The following UST variants were observed in gnomAD, a reference collection of about 807,000 sequenced individuals.
UST encodes the protein chondroitin sulfate 2-O-sulfotransferase.
In UST, 21 loss-of-function variants were observed where a neutral mutation model predicts 45.6. The ratio of observed to expected loss-of-function variants is 0.46; its 90% CI spans 0.33 to 0.66. UST has a LOEUF of 0.66. UST is among the 30% of genes least tolerant of loss of function. The pLI is 0.02. For synonymous variants in UST, 215 were observed against 200.6 expected (o/e 1.07, Z -0.61); for missense variants, 463 against 512.4 (o/e 0.90, Z 0.93).
rs577991872 is a variant in UST, at chr6:148,787,268, A to G, written c.247+39591A>G. ...TTCATCATTAAATCTTTGCCCATGCATATGTCCTGAATGACGTTGCCTAGG... is the reference window on the plus strand; with the variant it reads ...TTCATCATTAAATCTTTGCCCATGCGTATGTCCTGAATGACGTTGCCTAGG... On this transcript the variant is annotated intron_variant, in intron 1 of 7. Transcript: ENST00000367463. Among the ~76,000 whole-genome samples, 49 of 152,342 alleles carry G rather than the reference A, an allele frequency of 3.2e-4. 1 individual carries two copies. The South Asian group carries it at 8.1e-3, about 25-fold the overall frequency.
At chr6:148,903,078 A>G (rs1288603699) in intron 2 of UST, among the ~76,000 whole-genome samples, 1 of 152,186 alleles carries the variant, frequency 6.6e-6, no homozygotes, top group East Asian at 1.9e-4. Context: ...AATTACTGAT[A>G]TAATGTCATG....
intron 6 of UST, 73 bp downstream of exon 6, chr6:149,019,309 G>A (rs188988790): frequency 2.1e-5 from 24 of 1,147,710 alleles, no homozygotes; most frequent in African/African-American, 3.1e-5. Context: ...CCTGGTACTC[G>A]GTGGGAATCT....
intron 1 of UST, among the ~76,000 whole-genome samples, chr6:148,806,485 C>G (rs749661528): frequency 8.5e-4 from 120 of 141,110 alleles, no homozygotes; most frequent in Non-Finnish European, 1.3e-3. Flanking sequence ...ACTACAGGCA[C>G]ACACCACTGG....
intron 1 of UST, among the ~76,000 whole-genome samples, chr6:148,823,676 A>C (rs186196795): frequency 3.3e-5 from 5 of 152,316 alleles, no homozygotes; most frequent in Admixed American, 3.3e-4. Flanking sequence ...AGCTTTCTTA[A>C]ACTGTACCTC....
intron 5 of UST, among the ~76,000 whole-genome samples, chr6:148,980,417 C>G (rs1163517126): frequency 6.6e-6 from 1 of 152,210 alleles, no homozygotes; most frequent in Non-Finnish European, 1.5e-5. Context: ...GACATTCTCC[C>G]TCTCTTTCAG....
At chr6:148,801,553 T>G (rs9485333) in intron 1 of UST, among the ~76,000 whole-genome samples, 21,714 of 152,040 alleles carry the variant, frequency 0.14, 1,725 homozygotes, top group Non-Finnish European at 0.17. Flanking sequence ...CAGGGTGTGG[T>G]AGATGTGTGA....
chr6:148,823,312 A>G (rs1396382425), intron 1 of UST, among the ~76,000 whole-genome samples: 1 of 152,248 alleles, frequency 6.6e-6, no homozygotes, highest in Admixed American at 6.5e-5. Flanking sequence ...CACTGACATT[A>G]TAAAAGTTAC....
intron 1 of UST, among the ~76,000 whole-genome samples, chr6:148,794,045 T>C (rs9386235): frequency 0.097 from 14,825 of 152,230 alleles, 1,487 homozygotes; most frequent in East Asian, 0.57. Flanking sequence ...TCATAGACAC[T>C]GCCAAACAGT....
chr6:148,899,732 T>C (rs1279168774), intron 2 of UST, among the ~76,000 whole-genome samples: 1 of 152,274 alleles, frequency 6.6e-6, no homozygotes, highest in African/African-American at 2.4e-5. Flanking sequence ...TGGTCCCCGA[T>C]GGCGCCCTGC....
intron 1 of UST, among the ~76,000 whole-genome samples, chr6:148,819,832 A>G (rs1296772456): frequency 6.6e-6 from 1 of 152,226 alleles, no homozygotes; most frequent in African/African-American, 2.4e-5. Context: ...AGCATCTTCC[A>G]TTGGAAGTTC....
intron 1 of UST, among the ~76,000 whole-genome samples, chr6:148,802,989 A>G (rs765946132): frequency 2.6e-5 from 4 of 152,182 alleles, no homozygotes; most frequent in Non-Finnish European, 4.4e-5. Flanking sequence ...ATTTTATATT[A>G]TTGATGATGG....
chr6:148,894,927 C>T (rs1311618987), intron 2 of UST, among the ~76,000 whole-genome samples: 4 of 147,006 alleles, frequency 2.7e-5, no homozygotes, highest in African/African-American at 1.0e-4. Flanking sequence ...AAGCAATTCT[C>T]CTGCCTCAGC....
intron 2 of UST, among the ~76,000 whole-genome samples, chr6:148,903,197 C>T (rs566600376): frequency 7.9e-5 from 12 of 152,090 alleles, no homozygotes; most frequent in African/African-American, 2.7e-4. Flanking sequence ...TTATCCAATT[C>T]TGTTTTAAGT....
At chr6:148,765,565 C>T (rs964682215) in intron 1 of UST, among the ~76,000 whole-genome samples, 6 of 152,180 alleles carry the variant, frequency 3.9e-5, no homozygotes, top group Non-Finnish European at 7.3e-5. Context: ...ATACAATCGT[C>T]ACAGGGTCCT....
intron 1 of UST, among the ~76,000 whole-genome samples, chr6:148,821,096 A>G (rs1180499523): frequency 2.0e-5 from 3 of 149,326 alleles, no homozygotes; most frequent in South Asian, 2.2e-4. Context: ...CAGCCTCCCA[A>G]GTAGCTGGGA....
At position 148,747,579 on chromosome 6, in the gene UST, T is replaced by C; in HGVS notation, c.149T>C (p.Phe50Ser). 6.3e-7 allele frequency: 1 copy of C among 1,590,678 alleles called. No homozygotes were observed. The highest frequency in any genetic ancestry group is 8.5e-7 in the Non-Finnish European group (1 of 1,170,098). ...FLRFSLRDYG[F>S]CMATLLVFCL... ...CGCTTCTCCCTCCGGGACTACGGCTTCTGCATGGCCACCCTGCTGGTCTTC... is the reference window on the plus strand; with the variant it reads ...CGCTTCTCCCTCCGGGACTACGGCTCCTGCATGGCCACCCTGCTGGTCTTC... The change falls in exon 1 of 8, where the codon TTC (phenylalanine) becomes TCC (serine). Residue 50 changes from phenylalanine (F) to serine (S), a missense_variant. Phe to Ser is a radical substitution (Grantham distance 155). Transcript: ENST00000367463.
intron 1 of UST, among the ~76,000 whole-genome samples, chr6:148,859,321 C>G (rs1326098976): frequency 1.3e-5 from 2 of 152,168 alleles, no homozygotes; most frequent in Admixed American, 6.5e-5. Flanking sequence ...TATCCTTTGC[C>G]CACTTTTTGA....
At chr6:149,072,749 C>A (rs1415135202) in intron 7 of UST, among the ~76,000 whole-genome samples, 1 of 151,284 alleles carries the variant, frequency 6.6e-6, no homozygotes, top group Non-Finnish European at 1.5e-5. Flanking sequence ...AAAAAAAGGA[C>A]AAATATTGTA....
intron 1 of UST, among the ~76,000 whole-genome samples, chr6:148,767,064 G>C (rs1273383516): frequency 1.3e-5 from 2 of 152,196 alleles, no homozygotes; most frequent in African/African-American, 4.8e-5. Flanking sequence ...TTGAGATTCT[G>C]CATTTCCAGC....
Sources: gnomAD v4.1 joint callset for allele counts (sites outside exome capture counted in the v4.1 genomes callset) on GRCh38, gnomAD v4.1.1 for gene constraint, MANE v1.5 for transcripts, NCBI Gene and HGNC (gene_info 2026-07-23, HGNC 2026-07-21) for gene names.